MAGI2: variants seen among roughly 807,000 people sequenced by gnomAD.
MAGI2 encodes membrane associated guanylate kinase, WW and PDZ domain containing 2, also known as membrane-associated guanylate kinase, WW and PDZ domain-containing protein 2.
A neutral mutation model predicts 133.3 loss-of-function variants in MAGI2; 35 were observed. That is an observed-to-expected ratio of 0.26 (90% CI 0.20 to 0.35). The LOEUF is 0.35. MAGI2 is among the 10% of genes least tolerant of loss of function. The pLI, the probability that MAGI2 is intolerant of heterozygous loss-of-function variation, is 1.00. For missense variants in MAGI2, 1,636 were observed against 1,863.4 expected, an observed-to-expected ratio of 0.88 and a Z score of 2.25; for synonymous variants, 729 against 710.6, an observed-to-expected ratio of 1.03 and a Z score of -0.41.
chr7:79,038,987 A>G (rs1218411129), intron 1 of MAGI2, among the ~76,000 whole-genome samples: 2 of 152,212 alleles, frequency 1.3e-5, no homozygotes, highest in Admixed American at 1.3e-4. Context: ...TTGCAATTAC[A>G]TAAATTGCTT....
At chr7:78,624,063 G>C (rs1191865838) in intron 3 of MAGI2, among the ~76,000 whole-genome samples, 2 of 152,012 alleles carry the variant, frequency 1.3e-5, no homozygotes, top group Non-Finnish European at 2.9e-5. Flanking sequence ...GTTTTGATTT[G>C]TGTTTCTTTA....
intron 10 of MAGI2, chr7:78,253,714 A>G (rs974203553): frequency 5.3e-5 from 8 of 152,190 alleles, no homozygotes; most frequent in African/African-American, 1.9e-4. Context: ...TTCATTTTAT[A>G]CTTGTTGACA....
chr7:78,710,314 T>C (rs1434289693), intron 2 of MAGI2, among the ~76,000 whole-genome samples: 1 of 152,168 alleles, frequency 6.6e-6, no homozygotes, highest in Non-Finnish European at 1.5e-5. Context: ...CAGCCCTGCA[T>C]GATCCTGATT....
intron 1 of MAGI2, among the ~76,000 whole-genome samples, chr7:79,134,916 A>T (rs1821244585): frequency 1.3e-5 from 2 of 152,208 alleles, no homozygotes; most frequent in South Asian, 4.1e-4. Flanking sequence ...AGAGGGTTAG[A>T]TTAGCCAGGA....
intron 1 of MAGI2, among the ~76,000 whole-genome samples, chr7:79,084,979 C>G (rs1450094563): frequency 2.6e-5 from 4 of 151,786 alleles, no homozygotes; most frequent in Admixed American, 6.6e-5. Context: ...TGATGAGTTT[C>G]TTCACTCTTG....
chr7:79,157,949 T>A (rs71537529), intron 1 of MAGI2, among the ~76,000 whole-genome samples: 81,313 of 141,824 alleles, frequency 0.57, 26,452 homozygotes, highest in Non-Finnish European at 0.74. Context: ...TGAGTGTGTG[T>A]GTGTGTGTGT....
intron 1 of MAGI2, among the ~76,000 whole-genome samples, chr7:79,044,853 A>C (rs1330752270): frequency 1.3e-5 from 2 of 152,202 alleles, no homozygotes; most frequent in Admixed American, 1.3e-4. Flanking sequence ...ACCACTTGGA[A>C]AAGTTTGACA....
intron 2 of MAGI2, among the ~76,000 whole-genome samples, chr7:78,836,139 G>A (rs373385887): frequency 9.2e-5 from 14 of 152,170 alleles, no homozygotes; most frequent in Middle Eastern, 3.4e-3. Context: ...CTCCTATAAC[G>A]TCACAATGAT....
chr7:78,885,100 A>G (rs1796159889), intron 2 of MAGI2, among the ~76,000 whole-genome samples: 1 of 152,178 alleles, frequency 6.6e-6, no homozygotes, highest in Admixed American at 6.5e-5. Context: ...TGGGAGCTAA[A>G]CATTAGGTAC....
intron 2 of MAGI2, among the ~76,000 whole-genome samples, chr7:78,824,023 T>C (rs961844126): frequency 2.0e-5 from 3 of 152,198 alleles, no homozygotes; most frequent in African/African-American, 7.2e-5. Context: ...CCAGTGATTA[T>C]GTTAGCTAAA....
At chr7:78,385,081 G>A (rs1795260359) in intron 6 of MAGI2, among the ~76,000 whole-genome samples, 1 of 152,160 alleles carries the variant, frequency 6.6e-6, no homozygotes, top group Non-Finnish European at 1.5e-5. Context: ...CTGGGCACTT[G>A]TCAAATTGGG....
At chr7:79,226,320 G>A (rs943136703) in intron 1 of MAGI2, among the ~76,000 whole-genome samples, 1 of 152,094 alleles carries the variant, frequency 6.6e-6, no homozygotes, top group African/African-American at 2.4e-5. Context: ...TTAGAGTGGT[G>A]TCTGGGGATG....
At chr7:78,918,087 T>C (rs1419363919) in intron 2 of MAGI2, among the ~76,000 whole-genome samples, 2 of 152,162 alleles carry the variant, frequency 1.3e-5, no homozygotes, top group Non-Finnish European at 2.9e-5. Context: ...CTCTGATTAC[T>C]TGGCATCTTG....
intron 6 of MAGI2, among the ~76,000 whole-genome samples, chr7:78,402,609 A>C (rs1796994817): frequency 6.6e-6 from 1 of 152,202 alleles, no homozygotes; most frequent in African/African-American, 2.4e-5. Context: ...GTTGCATTTC[A>C]GTAGTGGTTG....
chr7:78,573,368 ATATATATATATAT>A (rs1801916412), intron 3 of MAGI2, among the ~76,000 whole-genome samples: 1 of 8,676 alleles, frequency 1.2e-4, no homozygotes, highest in African/African-American at 4.6e-4. Context: ...TCCTGGAAAT[ATATATATATATAT>A]ATATATATAT....
chr7:79,043,703 T>C (rs904840575), intron 1 of MAGI2, among the ~76,000 whole-genome samples: 9 of 151,730 alleles, frequency 5.9e-5, no homozygotes, highest in Admixed American at 2.0e-4. Context: ...TCAGAAATGA[T>C]AAAGAAGACA....
intron 2 of MAGI2, among the ~76,000 whole-genome samples, chr7:78,665,005 A>T (rs995506696): frequency 6.6e-6 from 1 of 152,096 alleles, no homozygotes; most frequent in Admixed American, 6.6e-5. Flanking sequence ...TCTTGTTATA[A>T]GCATGATTTT....
intron 21 of MAGI2, among the ~76,000 whole-genome samples, chr7:78,070,212 T>TACACAC (rs1222332535): frequency 4.2e-4 from 24 of 56,474 alleles, no homozygotes; most frequent in Admixed American, 2.0e-3. Flanking sequence ...TATATATATA[T>TACACAC]ATATATACAC....
intron 1 of MAGI2, among the ~76,000 whole-genome samples, chr7:79,021,189 G>A (rs1162068041): frequency 6.6e-6 from 1 of 152,242 alleles, no homozygotes; most frequent in Non-Finnish European, 1.5e-5. Context: ...TGCATGGGTG[G>A]AGCCTTCATG....
Sources: gnomAD v4.1 joint callset for allele counts (sites outside exome capture counted in the v4.1 genomes callset) on GRCh38, gnomAD v4.1.1 for gene constraint, MANE v1.5 for transcripts, NCBI Gene and HGNC (gene_info 2026-07-23, HGNC 2026-07-21) for gene names.